WDR7: variants seen among roughly 807,000 people sequenced by gnomAD.
WDR7 encodes WD repeat domain 7.
In WDR7, 46 loss-of-function variants were observed where a neutral mutation model predicts 169.4. The ratio of observed to expected loss-of-function variants is 0.27; its 90% CI spans 0.21 to 0.35. The LOEUF (loss-of-function observed/expected upper bound fraction) is 0.35. Among genes scored for constraint, WDR7 ranks in the 10% least tolerant of loss-of-function variants. The pLI, the probability that WDR7 is intolerant of heterozygous loss-of-function variation, is 1.00. For missense variants in WDR7, 1,534 were observed against 1,859.3 expected (o/e 0.83, Z 3.22); for synonymous variants, 612 against 666.8 (o/e 0.92, Z 1.27).
rs185836487 is a variant in WDR7, at chr18:57,002,208, A to G, written c.4165-18537A>G. Among the ~76,000 whole-genome samples, 42 of 152,278 alleles carry G rather than the reference A, an allele frequency of 2.8e-4. No homozygotes were observed. In the East Asian group the frequency reaches 7.9e-3, roughly 29 times the overall value. On this transcript the variant is annotated intron_variant, in intron 26 of 27. Transcript: ENST00000254442. ...TGTACTATGCCCTGAGTTGTCTCGA[A>G]CCCAGACTAGAAATCTTTGGGTCAG...
At chr18:56,808,141 T>A (rs527375064) in intron 19 of WDR7, among the ~76,000 whole-genome samples, 7 of 152,276 alleles carry the variant, frequency 4.6e-5, no homozygotes, top group Admixed American at 3.9e-4. Context: ...TGAGGCAGGC[T>A]GTCTGTCTGT....
At chr18:56,768,117 A>C (rs1276132725) in intron 16 of WDR7, among the ~76,000 whole-genome samples, 3 of 152,334 alleles carry the variant, frequency 2.0e-5, no homozygotes, top group Non-Finnish European at 4.4e-5. Flanking sequence ...TGCATTATAT[A>C]TTCACCACCA....
At chr18:56,725,371 T>A (rs372113437) in intron 13 of WDR7, among the ~76,000 whole-genome samples, 1 of 151,748 alleles carries the variant, frequency 6.6e-6, no homozygotes, top group East Asian at 1.9e-4. Flanking sequence ...GGTATCTCAT[T>A]GTGGTTTTGA....
chr18:56,716,629 G>A (rs762505196), intron 12 of WDR7, among the ~76,000 whole-genome samples: 1 of 152,282 alleles, frequency 6.6e-6, no homozygotes, highest in South Asian at 2.1e-4. Flanking sequence ...ACCATATTCA[G>A]ATACTTATGC....
chr18:56,960,844 A>G (rs2047328470), intron 25 of WDR7, among the ~76,000 whole-genome samples: 1 of 152,132 alleles, frequency 6.6e-6, no homozygotes, highest in Admixed American at 6.6e-5. Flanking sequence ...GTAGCCAGGG[A>G]AGCTTCATAT....
At chr18:57,018,415 T>C (rs182581409) in intron 26 of WDR7, among the ~76,000 whole-genome samples, 2 of 152,322 alleles carry the variant, frequency 1.3e-5, no homozygotes, top group East Asian at 3.9e-4. Context: ...AGGTGGGAAA[T>C]AAGTGAGCTG....
intron 26 of WDR7, among the ~76,000 whole-genome samples, chr18:57,005,746 A>T (rs190977957): frequency 1.6e-4 from 25 of 152,306 alleles, no homozygotes; most frequent in African/African-American, 6.0e-4. Flanking sequence ...CCTGGGCCAT[A>T]CTGGAAGAAG....
intron 27 of WDR7, among the ~76,000 whole-genome samples, chr18:57,025,949 C>T (rs2048361496): frequency 6.6e-6 from 1 of 152,170 alleles, no homozygotes; most frequent in Non-Finnish European, 1.5e-5. Context: ...TAGAATCTTA[C>T]ATCGAGATGG....
At chr18:56,670,580 G>A (rs918556216) in intron 1 of WDR7, among the ~76,000 whole-genome samples, 3 of 152,094 alleles carry the variant, frequency 2.0e-5, no homozygotes, top group African/African-American at 4.8e-5. Flanking sequence ...GCGCGATCTC[G>A]GCTCACTGCA....
At chr18:56,689,790 C>T (rs1282489002) in intron 7 of WDR7, among the ~76,000 whole-genome samples, 2 of 151,464 alleles carry the variant, frequency 1.3e-5, no homozygotes, top group Non-Finnish European at 3.0e-5. Flanking sequence ...TGAATTAATA[C>T]TATATTGTTC....
chr18:56,940,432 TA>T (rs1264936953), intron 25 of WDR7, among the ~76,000 whole-genome samples: 1 of 152,182 alleles, frequency 6.6e-6, no homozygotes, highest in Non-Finnish European at 1.5e-5. Context: ...TCCCAAAATT[TA>T]AAAACATAAA....
chr18:56,965,668 G>C (rs879320351), intron 26 of WDR7, among the ~76,000 whole-genome samples: 4 of 152,090 alleles, frequency 2.6e-5, no homozygotes, highest in Admixed American at 1.3e-4. Flanking sequence ...TCAGAATTGA[G>C]TAGTTGTCAC....
chr18:56,767,860 G>A (rs1242706679), intron 16 of WDR7, among the ~76,000 whole-genome samples: 4 of 152,136 alleles, frequency 2.6e-5, no homozygotes, highest in Admixed American at 2.0e-4. Flanking sequence ...TCTAGATCCC[G>A]TGCTTTTTCT....
chr18:56,805,652 A>ATTT (rs944185508), intron 19 of WDR7, among the ~76,000 whole-genome samples: 193 of 144,626 alleles, frequency 1.3e-3, no homozygotes, highest in African/African-American at 4.5e-3. Flanking sequence ...AAATCATAGG[A>ATTT]TTTTTTTTTT....
intron 26 of WDR7, among the ~76,000 whole-genome samples, chr18:57,012,000 G>C (rs2048143400): frequency 6.6e-6 from 1 of 152,192 alleles, no homozygotes; most frequent in Non-Finnish European, 1.5e-5. Context: ...TGATGGGAGG[G>C]TGAAAACCTT....
intron 20 of WDR7, among the ~76,000 whole-genome samples, chr18:56,859,408 T>C (rs1423566339): frequency 1.3e-5 from 2 of 152,190 alleles, no homozygotes; most frequent in East Asian, 3.8e-4. Context: ...GCCACAAGAC[T>C]GGGGCAGCTT....
intron 21 of WDR7, among the ~76,000 whole-genome samples, chr18:56,910,372 T>G (rs750875699): frequency 5.9e-5 from 9 of 152,202 alleles, no homozygotes; most frequent in South Asian, 2.1e-4. Context: ...TGATAATTTT[T>G]GGGGAAGTTG....
Position 56,651,453 on chromosome 18 carries a change from T to C in WDR7, c.-143T>C, listed in dbSNP as rs2144379148. The C allele has an allele frequency of 6.5e-6, 1 of 152,784 alleles. No individual in the cohort carries two copies. The highest frequency in any genetic ancestry group is 2.0e-4 in the South Asian group (1 of 4,914). 9.5% of individuals were successfully genotyped at this position (152,784 alleles called of 1,614,324 possible). On this transcript the variant is annotated 5_prime_UTR_variant, in exon 1 of 28. Coordinates refer to ENST00000254442, the MANE Select transcript of WDR7 (RefSeq NM_015285.3). ...GTATAGCGCTTGCCGCCCCACGGAT[T>C]ATCCCAGCAGGATCTACGCACCCCG...
intron 21 of WDR7, among the ~76,000 whole-genome samples, chr18:56,896,031 T>C (rs1252306467): frequency 6.6e-6 from 1 of 151,830 alleles, no homozygotes; most frequent in Non-Finnish European, 1.5e-5. Context: ...TTTATAAATA[T>C]TAACTCATAT....
Sources: allele counts gnomAD v4.1 joint callset (sites outside exome capture counted in the v4.1 genomes callset), GRCh38; gene constraint gnomAD v4.1.1; transcripts MANE v1.5; gene names NCBI Gene and HGNC (gene_info 2026-07-23, HGNC 2026-07-21).